The following PDE4DIP variants were observed in gnomAD, a reference collection of about 807,000 sequenced individuals.
PDE4DIP encodes the protein myomegalin.
Under a neutral mutation model 221.4 loss-of-function variants are expected in PDE4DIP, and 59 were observed. The observed-to-expected ratio is 0.27, with a 90% CI of 0.22 to 0.33. The LOEUF is 0.33. PDE4DIP is among the 10% of genes least tolerant of loss of function. The pLI, the probability that PDE4DIP is intolerant of heterozygous loss-of-function variation, is 1.00. For synonymous variants in PDE4DIP, 404 were observed against 815.9 expected, an observed-to-expected ratio of 0.50 and a Z score of 8.60; for missense variants, 1,036 against 2,154.2, an observed-to-expected ratio of 0.48 and a Z score of 10.28.
chr1:148,889,158 C>T (rs587632974), upstream of PDE4DIP, among the ~76,000 whole-genome samples: 2 of 152,250 alleles, frequency 1.3e-5, no homozygotes, highest in East Asian at 1.9e-4. Context: ...ATTTGACATG[C>T]GGTTACCTTT....
Position 148,821,012 on chromosome 1 carries a change from C to A in PDE4DIP, c.233+12275C>A, listed in dbSNP as rs1553360333. 2.4e-4 allele frequency among the ~76,000 whole-genome samples: 36 copies of A among 150,380 alleles called. No individual in the cohort carries two copies. The East Asian group carries it at 6.6e-3, about 28-fold the overall frequency. ...GATTACAGGCACCCAATACCTCGCC[C>A]GGCTAATTTTTCGTATTTTCAGTAG... On this transcript the variant is annotated intron_variant, in intron 1 of 45. Transcript: ENST00000524974.
chr1:149,031,507 G>A (rs1278444896), intron 43 of PDE4DIP, among the ~76,000 whole-genome samples: 1 of 151,908 alleles, frequency 6.6e-6, no homozygotes, highest in Non-Finnish European at 1.5e-5. Flanking sequence ...CCTCATTATG[G>A]CAACTGGACA....
chr1:148,859,816 G>GTT (rs1683306149), intron 1 of PDE4DIP, among the ~76,000 whole-genome samples: 3 of 131,372 alleles, frequency 2.3e-5, no homozygotes, highest in Admixed American at 7.2e-5. Flanking sequence ...GTGTGTGTGT[G>GTT]TGTGTGTGTG....
chr1:149,021,344 G>A (rs77233866), intron 37 of PDE4DIP, 191 bp downstream of exon 40: 31,601 of 576,292 alleles, frequency 0.055, 724 homozygotes, highest in East Asian at 0.36. Context: ...GGTGGCACGA[G>A]CAAGATCCGG....
At chr1:149,028,322 G>T (rs868931297) in intron 40 of PDE4DIP, among the ~76,000 whole-genome samples, 1 of 148,066 alleles carries the variant, frequency 6.8e-6, no homozygotes, top group Non-Finnish European at 1.5e-5. Context: ...AAGGTAACAG[G>T]CTCATAGAGG....
At chr1:148,946,540 C>CAA (rs67877634) in intron 5 of PDE4DIP, among the ~76,000 whole-genome samples, 228 of 109,746 alleles carry the variant, frequency 2.1e-3, no homozygotes, top group South Asian at 2.8e-3. Context: ...GACTTCGTCT[C>CAA]AAAAAAAAAA....
chr1:149,032,034 TA>T, exon 44 of PDE4DIP: 1 of 1,611,274 alleles, frequency 6.2e-7, no homozygotes, highest in Non-Finnish European at 8.5e-7. Context: ...CAGAAGTCCT[TA>T]AAACAGCAGG....
chr1:148,998,476 C>G, intron 23 of PDE4DIP, 101 bp downstream of exon 26: 1 of 584,526 alleles, frequency 1.7e-6, no homozygotes, highest in Non-Finnish European at 3.1e-6. Flanking sequence ...TCTACAAATT[C>G]TTTAGATAAA....
At chr1:148,953,365 C>T in intron 5 of PDE4DIP, 1 of 1,614,162 alleles carries the variant, frequency 6.2e-7, no homozygotes, top group Non-Finnish European at 8.5e-7. Context: ...GAAGTATCTC[C>T]TGCGGCCCTT....
exon 44 of PDE4DIP, chr1:149,032,263 A>G (rs1317644160): frequency 9.9e-6 from 6 of 604,506 alleles, no homozygotes; most frequent in Middle Eastern, 4.4e-4. Flanking sequence ...GTTTGCACAG[A>G]AGGTTTTGTG....
At chr1:148,827,822 A>G (rs587754897) in intron 1 of PDE4DIP, among the ~76,000 whole-genome samples, 3 of 70,022 alleles carry the variant, frequency 4.3e-5, no homozygotes, top group South Asian at 1.4e-3. Flanking sequence ...ACTTTACTAT[A>G]TGTTGAAAAT....
chr1:148,926,526 GATA>G (rs1183327625), intron 1 of PDE4DIP, among the ~76,000 whole-genome samples: 162 of 144,726 alleles, frequency 1.1e-3, no homozygotes, highest in African/African-American at 3.7e-3. Context: ...TGATGATGGT[GATA>G]ATAATATTAT....
intron 1 of PDE4DIP, among the ~76,000 whole-genome samples, chr1:148,924,437 T>C (rs1197231727): frequency 1.3e-5 from 2 of 152,046 alleles, no homozygotes; most frequent in East Asian, 3.9e-4. Flanking sequence ...GTTAAAAGGT[T>C]TTTTCTTTCT....
chr1:148,930,062 A>C (rs1553468532), intron 2 of PDE4DIP: 4 of 151,454 alleles, frequency 2.6e-5, no homozygotes, highest in Admixed American at 6.6e-5. Context: ...AGAAGACTTG[A>C]TATTTTTCTT....
chr1:148,929,639 G>C (rs1211656128), intron 2 of PDE4DIP: 2 of 215,038 alleles, frequency 9.3e-6, no homozygotes, highest in African/African-American at 4.6e-5. Context: ...ATAACATTTG[G>C]GGAAAATGGG....
rs587772213 is a variant in PDE4DIP, at chr1:148,934,761, G to A, written c.518+2473G>A. Reference sequence around the variant, plus strand: ...TGGGATTACAGGCGTGCACCACCACGCCCAGCTAATTTTTGTATTTTTAGT... The same window carrying A: ...TGGGATTACAGGCGTGCACCACCACACCCAGCTAATTTTTGTATTTTTAGT... On this transcript the variant is annotated intron_variant, in intron 4 of 43. Transcript: ENST00000369354. 6.6e-5 allele frequency among the ~76,000 whole-genome samples: 10 copies of A among 151,552 alleles called. No homozygotes were observed. The South Asian group carries it at 1.1e-3, about 16-fold the overall frequency.
Position 149,026,782 on chromosome 1 carries a change from TGCTTCCTC to T in PDE4DIP, c.6394_6401del (p.Ala2132TyrfsTer32), listed in dbSNP as rs2075301875. On this transcript the variant is annotated frameshift_variant, in exon 39 of 44. Transcript: ENST00000369354. LOFTEE classifies it high-confidence loss of function. ...CCCCAGCTCTGGTCTTCCCCAGCTC[TGCTTCCTC>T]TACTCCTGGCTCAGAAACGCCCATA... 9 of 595,114 alleles carry T rather than the reference TGCTTCCTC, an allele frequency of 1.5e-5. No homozygotes were observed. Among genetic ancestry groups the T allele is most frequent in the South Asian group, 1.1e-4 (5 of 47,008 alleles). 36.9% of individuals were successfully genotyped at this position (595,114 alleles called of 1,614,324 possible). A position where few individuals can be genotyped will look rare whatever the true frequency, so the allele number is the denominator to read the frequency against.
At chr1:148,926,944 T>C (rs1194509867) in intron 1 of PDE4DIP, among the ~76,000 whole-genome samples, 1 of 146,770 alleles carries the variant, frequency 6.8e-6, no homozygotes, top group Non-Finnish European at 1.5e-5. Context: ...AATTGAAATA[T>C]GCGTGTTTCC....
chr1:149,029,873 G>C (rs782764582), exon 42 of PDE4DIP: 1 of 1,605,058 alleles, frequency 6.2e-7, no homozygotes, highest in South Asian at 1.1e-5. Flanking sequence ...CTGAGCATCT[G>C]AAGAACGCCA....
Sources: gnomAD v4.1 joint callset for allele counts (sites outside exome capture counted in the v4.1 genomes callset) on GRCh38, gnomAD v4.1.1 for gene constraint, MANE v1.5 for transcripts, NCBI Gene and HGNC (gene_info 2026-07-23, HGNC 2026-07-21) for gene names.